FBXW7: variants seen among roughly 807,000 people sequenced by gnomAD.
The protein encoded by FBXW7 is F-box/WD repeat-containing protein 7.
A neutral mutation model predicts 86.3 loss-of-function variants in FBXW7; 11 were observed. That is an observed-to-expected ratio of 0.13 (90% CI 0.08 to 0.21). The LOEUF (loss-of-function observed/expected upper bound fraction) is 0.21. Among genes scored for constraint, FBXW7 ranks in the 10% least tolerant of loss-of-function variants. FBXW7 has a pLI of 1.00. For missense variants in FBXW7, 488 were observed against 847.4 expected (o/e 0.58, Z 5.27); for synonymous variants, 313 against 297.9 (o/e 1.05, Z -0.52).
chr4:152,432,361 CA>C (rs1739975146), intron 2 of FBXW7, among the ~76,000 whole-genome samples: 1 of 152,214 alleles, frequency 6.6e-6, no homozygotes, highest in African/African-American at 2.4e-5. Context: ...CAACATGGAA[CA>C]GACTCACAGT....
At chr4:152,374,263 A>AT (rs886574500) in intron 4 of FBXW7, among the ~76,000 whole-genome samples, 2 of 151,760 alleles carry the variant, frequency 1.3e-5, no homozygotes, top group African/African-American at 2.4e-5. Flanking sequence ...AAAGTACTGT[A>AT]TTTTTTTTCT....
intron 2 of FBXW7, among the ~76,000 whole-genome samples, chr4:152,494,231 T>C (rs1207175362): frequency 6.6e-6 from 1 of 152,052 alleles, no homozygotes; most frequent in African/African-American, 2.4e-5. Flanking sequence ...TATTTTAACA[T>C]TAAGAAGAAA....
intron 2 of FBXW7, among the ~76,000 whole-genome samples, chr4:152,421,590 A>G (rs1404182981): frequency 6.6e-6 from 1 of 152,214 alleles, no homozygotes; most frequent in Non-Finnish European, 1.5e-5. Flanking sequence ...CTGTACTCAC[A>G]ACTTGGATGT....
Position 152,411,646 on chromosome 4 carries a change from G to A in FBXW7, c.158C>T (p.Thr53Ile), listed in dbSNP as rs764549603. 4 of 1,613,940 alleles carry A rather than the reference G, an allele frequency of 2.5e-6. No individual in the cohort carries two copies. The Middle Eastern group carries it at 4.9e-4, about 200-fold the overall frequency. Residue 53 changes from threonine (T) to isoleucine (I), a missense_variant, in exon 4 of 14, where the codon ACT (threonine) becomes ATT (isoleucine). Physicochemically the swap from Thr to Ile is moderately conservative, Grantham distance 89. Transcript: ENST00000281708. ...TCCAACAACTTCACCATTCCTTGCA[G>A]TGTGCTCCTCCTCTTGTTGTCTGAG... ...QQLRQQEEEH[T>I]ARNGEVVGVE... is the part of the protein sequence containing the mutation.
At chr4:152,516,296 G>C (rs7691079) in intron 2 of FBXW7, among the ~76,000 whole-genome samples, 1 of 152,206 alleles carries the variant, frequency 6.6e-6, no homozygotes, top group Non-Finnish European at 1.5e-5. Flanking sequence ...GAGTATTATC[G>C]CCTGAGCTCC....
At chr4:152,420,002 A>T (rs1240419184) in intron 2 of FBXW7, among the ~76,000 whole-genome samples, 1 of 152,142 alleles carries the variant, frequency 6.6e-6, no homozygotes, top group Admixed American at 6.5e-5. Context: ...TAGCCACATC[A>T]ATTGACTCTT....
chr4:152,494,807 A>G (rs1391789829), intron 2 of FBXW7, among the ~76,000 whole-genome samples: 2 of 152,366 alleles, frequency 1.3e-5, no homozygotes, highest in East Asian at 3.9e-4. Context: ...GTTGAGACCA[A>G]TAACTAATAC....
At chr4:152,482,218 C>G (rs1744940252) in intron 2 of FBXW7, among the ~76,000 whole-genome samples, 1 of 152,164 alleles carries the variant, frequency 6.6e-6, no homozygotes, top group Non-Finnish European at 1.5e-5. Context: ...ACTAAAAACT[C>G]AGTTGATCAT....
At chr4:152,446,170 A>C (rs1006419493) in intron 2 of FBXW7, among the ~76,000 whole-genome samples, 2 of 152,138 alleles carry the variant, frequency 1.3e-5, no homozygotes, top group Admixed American at 6.5e-5. Flanking sequence ...GAAAGTCTAG[A>C]AAAAATTGGC....
chr4:152,465,901 G>A (rs1438745812), intron 2 of FBXW7, among the ~76,000 whole-genome samples: 2 of 150,126 alleles, frequency 1.3e-5, no homozygotes, highest in Non-Finnish European at 3.0e-5. Context: ...TCAAGTGACT[G>A]TTAGCCAATG....
chr4:152,393,402 G>C (rs1736156892), intron 4 of FBXW7, among the ~76,000 whole-genome samples: 1 of 152,094 alleles, frequency 6.6e-6, no homozygotes, highest in Non-Finnish European at 1.5e-5. Context: ...AACTGATAGA[G>C]AATAATGATT....
At chr4:152,483,112 A>G (rs1195683457) in intron 2 of FBXW7, among the ~76,000 whole-genome samples, 1 of 152,176 alleles carries the variant, frequency 6.6e-6, no homozygotes. Context: ...ATTATTTGGT[A>G]TTATAAATAA....
At chr4:152,452,916 C>T (rs1313267875) in intron 2 of FBXW7, among the ~76,000 whole-genome samples, 2 of 152,208 alleles carry the variant, frequency 1.3e-5, no homozygotes, top group Non-Finnish European at 2.9e-5. Context: ...GGCGCAGTGG[C>T]TCACGCCTGT....
At chr4:152,362,537 G>A (rs1041344379) in intron 4 of FBXW7, among the ~76,000 whole-genome samples, 1 of 152,074 alleles carries the variant, frequency 6.6e-6, no homozygotes, top group Non-Finnish European at 1.5e-5. Context: ...AGGGCCGGGC[G>A]CAGTGGCTCA....
chr4:152,516,432 A>T (rs532631440), intron 2 of FBXW7, among the ~76,000 whole-genome samples: 1 of 152,292 alleles, frequency 6.6e-6, no homozygotes, highest in South Asian at 2.1e-4. Context: ...GATTCATCCC[A>T]AACCATTCCC....
chr4:152,443,669 C>T (rs1741112059), intron 2 of FBXW7, among the ~76,000 whole-genome samples: 1 of 151,950 alleles, frequency 6.6e-6, no homozygotes, highest in Admixed American at 6.6e-5. Flanking sequence ...GATTAAAATC[C>T]AATCAAAATT....
At chr4:152,335,085 A>G (rs142198935) in intron 7 of FBXW7, among the ~76,000 whole-genome samples, 5 of 152,184 alleles carry the variant, frequency 3.3e-5, no homozygotes, top group South Asian at 2.1e-4. Flanking sequence ...ATGAGGAGGA[A>G]GTATACCAGT....
intron 2 of FBXW7, among the ~76,000 whole-genome samples, chr4:152,477,526 A>G (rs923650852): frequency 1.3e-5 from 2 of 152,194 alleles, no homozygotes; most frequent in Non-Finnish European, 2.9e-5. Flanking sequence ...GAGACATTAA[A>G]TTTGGGGGAA....
In FBXW7 at chr4:152,324,353, T is replaced by C; in HGVS notation, c.1686A>G (p.Ser562=). 3 of 1,609,828 alleles carry C rather than the reference T, an allele frequency of 1.9e-6. No individual in the cohort carries two copies. Among genetic ancestry groups the C allele is most frequent in the Non-Finnish European group, 2.5e-6 (3 of 1,177,704 alleles). The change falls in exon 13 of 14, where the codon TCA becomes TCG. Residue 562 remains serine, a synonymous_variant. Transcript: ENST00000281708. ...CTGTCTCCACATCCCAAACACGGAT[T>C]GATGTATCAAGAGATCCACTCACCA... ...IHVVSGSLDT[S]IRVWDVETGN...
Sources: allele counts gnomAD v4.1 joint callset (sites outside exome capture counted in the v4.1 genomes callset), GRCh38; gene constraint gnomAD v4.1.1; transcripts MANE v1.5; gene names NCBI Gene and HGNC (gene_info 2026-07-23, HGNC 2026-07-21).